Variants in PML observed in about 807,000 individuals in gnomAD.
The protein encoded by PML is protein PML.
A neutral mutation model predicts 65.2 loss-of-function variants in PML; 28 were observed. The ratio of observed to expected loss-of-function variants is 0.43; its 90% CI spans 0.32 to 0.59. The LOEUF (loss-of-function observed/expected upper bound fraction) is 0.59. PML is among the 20% of genes least tolerant of loss of function. The probability of loss-of-function intolerance (pLI) is 0.08; values close to 1 mark genes in which losing one functional copy is unlikely to be tolerated. For synonymous variants in PML, 500 were observed against 508.8 expected, an observed-to-expected ratio of 0.98 and a Z score of 0.23; for missense variants, 1,021 against 1,203.4, an observed-to-expected ratio of 0.85 and a Z score of 2.24.
Position 74,023,297 on chromosome 15 carries a change from CG to C in PML, c.1073del (p.Arg358ProfsTer68), listed in dbSNP as rs1378044426. The C allele has an allele frequency of 6.2e-7, 1 of 1,609,546 alleles. No individual in the cohort carries two copies. Among genetic ancestry groups the C allele is most frequent in the Non-Finnish European group, 8.5e-7 (1 of 1,179,636 alleles). On this transcript the variant is annotated frameshift_variant, in exon 3 of 9. Coordinates refer to ENST00000268058, the MANE Select transcript of PML (RefSeq NM_033238.3). LOFTEE classifies it high-confidence loss of function. The part of the protein sequence containing the change: ...MHGFLRQALC[R>X]LRQEEPQSLQ... ...CGGTTTCCTGCGCCAGGCGCTCTGC[CG>C]CCTGCGCCAGGAGGAGCCCCAGAGC...
chr15:74,038,298 G>A (rs1423000471), intron 7 of PML, among the ~76,000 whole-genome samples: 1 of 152,196 alleles, frequency 6.6e-6, no homozygotes, highest in Admixed American at 6.5e-5. Flanking sequence ...GGGGTGGGGC[G>A]GGGAGTATGT....
intron 2 of PML, among the ~76,000 whole-genome samples, chr15:74,001,992 G>A (rs552322953): frequency 8.6e-5 from 13 of 150,898 alleles, no homozygotes; most frequent in South Asian, 6.3e-4. Context: ...CATCAGAACC[G>A]GACCCTGACT....
chr15:74,003,908 C>T (rs1014095948), intron 2 of PML, among the ~76,000 whole-genome samples: 1 of 152,068 alleles, frequency 6.6e-6, no homozygotes, highest in African/African-American at 2.4e-5. Flanking sequence ...CTTGTATGTC[C>T]TTCTTTTGCT....
At position 74,033,372 on chromosome 15, in the gene PML, C is replaced by T; in HGVS notation, c.1615C>T (p.Leu539=). Residue 539 remains leucine, a synonymous_variant, in exon 6 of 9, where the codon CTG becomes TTG. Transcript: ENST00000268058. The part of the protein sequence containing the change: ...RSPVIGSEVF[L]PNSNHVASGA... The stretch of plus-strand genomic sequence containing the variant: ...CCCCGTCATAGGAAGTGAGGTCTTC[C>T]TGCCCAACAGCAACCACGTGGCCAG... 1 of 1,613,408 alleles carries T rather than the reference C, an allele frequency of 6.2e-7. No individual in the cohort carries two copies. Among genetic ancestry groups the T allele is most frequent in the Non-Finnish European group, 8.5e-7 (1 of 1,179,386 alleles).
chr15:74,000,428 C>T (rs1019913638), intron 2 of PML, among the ~76,000 whole-genome samples: 37 of 152,272 alleles, frequency 2.4e-4, no homozygotes, highest in African/African-American at 8.7e-4. Flanking sequence ...ACCTCAGCCA[C>T]CAGATTATAC....
intron 2 of PML, among the ~76,000 whole-genome samples, chr15:73,999,834 A>ATTTTTTTTTT (rs368015472): frequency 7.4e-6 from 1 of 135,784 alleles, no homozygotes. Flanking sequence ...ATTTTTTTTA[A>ATTTTTTTTTT]TTTTTTTTTT....
In PML at chr15:74,045,088, A is replaced by C. The variant is rs2071758655; in HGVS notation, c.*80A>C. 7.8e-7 allele frequency: 1 copy of C among 1,288,880 alleles called. No individual in the cohort carries two copies. The highest frequency in any genetic ancestry group is 1.1e-6 in the Non-Finnish European group (1 of 941,188). 79.8% of individuals were successfully genotyped at this position (1,288,880 alleles called of 1,614,324 possible). A position where few individuals can be genotyped will look rare whatever the true frequency, so the allele number is the denominator to read the frequency against. ...TGAGCCAGGCCCCACCCATCACAGC[A>C]TTCCCAGGTCCTGGTACCCAGCCCT... is the stretch of plus-strand genomic sequence containing the variant. On this transcript the variant is annotated 3_prime_UTR_variant, in exon 9 of 9. Coordinates refer to ENST00000268058, the MANE Select transcript of PML (RefSeq NM_033238.3).
chr15:74,033,499 G>A, intron 6 of PML, 85 bp downstream of exon 6: 1 of 1,499,938 alleles, frequency 6.7e-7, no homozygotes, highest in African/African-American at 1.4e-5. Flanking sequence ...GCCCCATCCA[G>A]AAAGCCCAAA....
chr15:74,042,757 A>C lies in PML; in HGVS notation c.1711-232A>C. On this transcript the variant is annotated intron_variant, in intron 7 of 8. Coordinates refer to ENST00000268058, the MANE Select transcript of PML (RefSeq NM_033238.3). This position sits in a 1 kb window ranked among gnomAD's most constrained non-coding sequence, Gnocchi z 5.3. ...CTGTGTGTGTCACCCTTCCTCCCCT[A>C]CTCATGAGGGTGTATGCCCTGGTTC... The C allele has an allele frequency of 1.0e-6, 1 of 984,826 alleles. No homozygotes were observed. Among genetic ancestry groups the C allele is most frequent in the Non-Finnish European group, 1.2e-6 (1 of 829,818 alleles). 61.0% of individuals were successfully genotyped at this position (984,826 alleles called of 1,614,324 possible).
chr15:74,008,871 G>A (rs1243126016), intron 2 of PML, among the ~76,000 whole-genome samples: 2 of 152,126 alleles, frequency 1.3e-5, no homozygotes, highest in African/African-American at 4.8e-5. Context: ...TATTTCTTTG[G>A]CTGCATACTT....
In PML at chr15:74,045,056, G is replaced by C. The variant is rs1186358040; in HGVS notation, c.*48G>C. ...AGTCTCTGGTGGGCAGAGAGGGATGGGGTCCCTGAGCCAGGCCCCACCCAT... is the reference window on the plus strand; with the variant it reads ...AGTCTCTGGTGGGCAGAGAGGGATGCGGTCCCTGAGCCAGGCCCCACCCAT... On this transcript the variant is annotated 3_prime_UTR_variant, in exon 9 of 9. Coordinates refer to ENST00000268058, the MANE Select transcript of PML (RefSeq NM_033238.3). The C allele has an allele frequency of 2.0e-6, 3 of 1,505,126 alleles. No individual in the cohort carries two copies. Among genetic ancestry groups the C allele is most frequent in the African/African-American group, 1.4e-5 (1 of 72,518 alleles). 93.2% of individuals were successfully genotyped at this position (1,505,126 alleles called of 1,614,324 possible). A position where few individuals can be genotyped will look rare whatever the true frequency, so the allele number is the denominator to read the frequency against.
chr15:74,017,739 G>T (rs529417809), intron 2 of PML, among the ~76,000 whole-genome samples: 33 of 152,282 alleles, frequency 2.2e-4, no homozygotes, highest in African/African-American at 7.9e-4. Flanking sequence ...GGCCTATCTG[G>T]TCTGTTCTAC....
intron 2 of PML, among the ~76,000 whole-genome samples, chr15:74,013,227 T>A (rs1179109281): frequency 6.6e-6 from 1 of 152,226 alleles, no homozygotes; most frequent in African/African-American, 2.4e-5. Context: ...CCTTCTCATT[T>A]TCTTCTTTTT....
chr15:74,041,442 A>G (rs569048049), intron 7 of PML: 8 of 152,424 alleles, frequency 5.2e-5, no homozygotes, highest in Admixed American at 1.3e-4. Context: ...GCTCACCCGG[A>G]GCAAGACGTG....
At position 74,022,895 on chromosome 15, in the gene PML, G is replaced by A; in HGVS notation, c.670G>A (p.Glu224Lys). The change falls in exon 3 of 9, where the codon GAG becomes AAG. Residue 224 changes from glutamate to lysine, a missense_variant. Physicochemically the swap from Glu to Lys is moderately conservative, Grantham distance 56. Transcript: ENST00000268058. ...CGCGCTCCTTGACAGCAGCCACAGT[G>A]AGCTCAAGTGCGACATCAGCGCAGA... ...SCALLDSSHSELKCDISAEIQ... is the reference protein window; with the variant it reads ...SCALLDSSHSKLKCDISAEIQ... 1.2e-6 allele frequency: 2 copies of A among 1,613,476 alleles called. No individual in the cohort carries two copies. Among genetic ancestry groups the A allele is most frequent in the Non-Finnish European group, 1.7e-6 (2 of 1,179,826 alleles).
At chr15:74,007,333 T>A (rs1003189670) in intron 2 of PML, among the ~76,000 whole-genome samples, 1 of 152,196 alleles carries the variant, frequency 6.6e-6, no homozygotes, top group Non-Finnish European at 1.5e-5. Flanking sequence ...GAGTGGCATA[T>A]TTTTATCCCT....
intron 2 of PML, among the ~76,000 whole-genome samples, chr15:74,007,529 A>G (rs10162627): frequency 0.5 from 76,745 of 152,094 alleles, 20,099 homozygotes; most frequent in Non-Finnish European, 0.58. Context: ...CAAAACTTCA[A>G]TGCCATAAAT....
In PML at chr15:74,037,534, C is replaced by G; in HGVS notation, c.1710+3004C>G. The stretch of plus-strand genomic sequence containing the variant: ...ACTTCTCTCTCCAGCTGTCGGCTCC[C>G]CTTCCTCTGCTCTCCTTGTTTACAC... On this transcript the variant is annotated intron_variant, in intron 7 of 8. Transcript: ENST00000268058. The surrounding 1 kb of genome is among the most constrained non-coding windows in gnomAD (Gnocchi z 4.2). The G allele has an allele frequency of 1.0e-6, 1 of 985,418 alleles. No homozygotes were observed. The highest frequency in any genetic ancestry group is 4.7e-5 in the South Asian group (1 of 21,280). 61.0% of individuals were successfully genotyped at this position (985,418 alleles called of 1,614,324 possible). A position where few individuals can be genotyped will look rare whatever the true frequency, so the allele number is the denominator to read the frequency against.
rs1298058647 is a variant in PML at position 74,023,523 on chromosome 15, T to C, written c.1183+115T>C. On this transcript the variant is annotated intron_variant, in intron 3 of 8. Transcript: ENST00000268058. Reference sequence around the variant, plus strand: ...AAAAGAAAACTGGGTGTTTATTCAGTCTTTGGGGGTTGGTAAGGTCTTAGG... The same window carrying C: ...AAAAGAAAACTGGGTGTTTATTCAGCCTTTGGGGGTTGGTAAGGTCTTAGG... The C allele has an allele frequency of 1.2e-5, 10 of 869,240 alleles. No individual in the cohort carries two copies. The East Asian group carries it at 2.1e-4, about 18-fold the overall frequency. The allele number at this position is 869,240 out of a possible 1,614,324, so 53.8% of individuals were successfully genotyped here. A position where few individuals can be genotyped will look rare whatever the true frequency, so the allele number is the denominator to read the frequency against.
Sources: gnomAD v4.1 joint callset for allele counts (sites outside exome capture counted in the v4.1 genomes callset) on GRCh38, gnomAD v4.1.1 for gene constraint, Gnocchi (gnomAD v3.1) non-coding constraint, MANE v1.5 for transcripts, NCBI Gene and HGNC (gene_info 2026-07-23, HGNC 2026-07-21) for gene names.